The following GARIN1B variants were observed in gnomAD, a reference collection of about 807,000 sequenced individuals.
GARIN1B encodes golgi associated RAB2 interactor 1B, also known as Golgi-associated RAB2 interactor protein 1B.
the GARIN1B span, among the ~76,000 whole-genome samples, chr7:128,714,451 G>A: frequency 6.6e-6 from 1 of 152,050 alleles, no homozygotes; most frequent in African/African-American, 2.4e-5. Context: ...GATGGCACAT[G>A]CCTGTAATCC....
the GARIN1B span, among the ~76,000 whole-genome samples, chr7:128,721,258 G>A: frequency 6.6e-6 from 1 of 152,162 alleles, no homozygotes; most frequent in Non-Finnish European, 1.5e-5. Flanking sequence ...AAAGTGCTGG[G>A]AGCCACATGC....
At chr7:128,711,924 C>T in the GARIN1B span, among the ~76,000 whole-genome samples, 1 of 152,116 alleles carries the variant, frequency 6.6e-6, no homozygotes, top group Non-Finnish European at 1.5e-5. Flanking sequence ...GCCTGCGATC[C>T]CAGCTACTCG....
At chr7:128,715,372 T>C in the GARIN1B span, 3 of 1,570,144 alleles carry the variant, frequency 1.9e-6, no homozygotes, top group Non-Finnish European at 1.7e-6. Flanking sequence ...CTTGGCCAGC[T>C]GCCCAAGGCC....
At chr7:128,715,669 G>A in the GARIN1B span, 1 of 1,614,106 alleles carries the variant, frequency 6.2e-7, no homozygotes, top group Non-Finnish European at 8.5e-7. Flanking sequence ...ACTCCGTGGT[G>A]TTTGAAAGCA....
the GARIN1B span, chr7:128,729,964 T>C: frequency 6.2e-7 from 1 of 1,613,854 alleles, no homozygotes; most frequent in East Asian, 2.2e-5. Context: ...GAGGGCTTCA[T>C]TCACGTACGG....
chr7:128,715,835 C>A, the GARIN1B span: 1 of 729,104 alleles, frequency 1.4e-6, no homozygotes, highest in East Asian at 2.6e-5. Context: ...CAAGGCCACC[C>A]TCACTGACCT....
chr7:128,712,611 C>G, the GARIN1B span, among the ~76,000 whole-genome samples: 1 of 152,218 alleles, frequency 6.6e-6, no homozygotes, highest in East Asian at 1.9e-4. Context: ...CGAAATGATA[C>G]CTTGCACTGC....
At chr7:128,713,770 C>G in the GARIN1B span, 1 of 392,564 alleles carries the variant, frequency 2.5e-6, no homozygotes, top group Non-Finnish European at 4.8e-6. Context: ...AAGTCATCTC[C>G]CCAACTGACT....
the GARIN1B span, among the ~76,000 whole-genome samples, chr7:128,714,533 G>A: frequency 2.1e-4 from 32 of 151,878 alleles, no homozygotes; most frequent in Admixed American, 1.4e-3. Flanking sequence ...AGCCGAGATC[G>A]CGCACATTGT....
chr7:128,715,248 C>A, the GARIN1B span: 1 of 1,420,670 alleles, frequency 7.0e-7, no homozygotes. Context: ...ATAAGGCACA[C>A]AAGCTCTCTG....
chr7:128,723,063 T>C, the GARIN1B span: 1 of 1,097,086 alleles, frequency 9.1e-7, no homozygotes, highest in East Asian at 2.7e-5. Context: ...CAGAATTGCC[T>C]CTGTGAGCAG....
the GARIN1B span, among the ~76,000 whole-genome samples, chr7:128,720,631 ATATT>A: frequency 6.6e-6 from 1 of 152,152 alleles, no homozygotes; most frequent in East Asian, 1.9e-4. Flanking sequence ...TTTTGAGTTA[ATATT>A]TATGTATGGA....
At chr7:128,718,753 C>A in the GARIN1B span, 3 of 1,546,464 alleles carry the variant, frequency 1.9e-6, no homozygotes, top group African/African-American at 4.1e-5. Context: ...CTAAAGGAGA[C>A]CTGCCTCATT....
the GARIN1B span, among the ~76,000 whole-genome samples, chr7:128,730,470 C>T: frequency 6.6e-6 from 1 of 152,038 alleles, no homozygotes; most frequent in Non-Finnish European, 1.5e-5. Context: ...TGGGGTCAGA[C>T]CTCCCTAAGG....
the GARIN1B span, chr7:128,724,976 A>C: frequency 2.1e-6 from 2 of 935,514 alleles, no homozygotes; most frequent in Non-Finnish European, 2.8e-6. Context: ...GTAAAATGGA[A>C]ATGAAAATAG....
chr7:128,718,158 C>T, the GARIN1B span, among the ~76,000 whole-genome samples: 33,202 of 151,990 alleles, frequency 0.22, 3,655 homozygotes, highest in South Asian at 0.27. Context: ...TTTGGCTGGG[C>T]GCGGTGGCTC....
At chr7:128,710,081 C>G in the GARIN1B span, among the ~76,000 whole-genome samples, 1 of 151,980 alleles carries the variant, frequency 6.6e-6, no homozygotes, top group East Asian at 1.9e-4. Context: ...CTACACCTGG[C>G]TAATTTTTGT....
At chr7:128,711,658 G>GAC in the GARIN1B span, among the ~76,000 whole-genome samples, 5,718 of 144,872 alleles carry the variant, frequency 0.039, 148 homozygotes, top group African/African-American at 0.083. Context: ...TGGTTTTACA[G>GAC]ACACACACAC....
the GARIN1B span, among the ~76,000 whole-genome samples, chr7:128,713,399 A>G: frequency 4.6e-5 from 7 of 152,164 alleles, no homozygotes; most frequent in Admixed American, 3.9e-4. Context: ...AAAAGATTCA[A>G]TATGCTTGTT....
Sources: gnomAD v4.1 joint callset for allele counts (sites outside exome capture counted in the v4.1 genomes callset) on GRCh38, gnomAD v4.1.1 for gene constraint, MANE v1.5 for transcripts, NCBI Gene and HGNC (gene_info 2026-07-23, HGNC 2026-07-21) for gene names.